The following GLP2R variants were observed in gnomAD, a reference collection of about 807,000 sequenced individuals.
GLP2R encodes glucagon like peptide 2 receptor.
A neutral mutation model predicts 68.2 loss-of-function variants in GLP2R; 59 were observed. The observed-to-expected ratio is 0.87, with a 90% confidence interval of 0.70 to 1.07. The LOEUF is 1.07. GLP2R is among the 50% of genes least tolerant of loss of function. The probability of loss-of-function intolerance (pLI) is 0.00; values close to 1 mark genes in which losing one functional copy is unlikely to be tolerated. For synonymous variants in GLP2R, 270 were observed against 265.4 expected (o/e 1.02, Z -0.17); for missense variants, 548 against 677.4 (o/e 0.81, Z 2.12).
intron 3 of GLP2R, among the ~76,000 whole-genome samples, chr17:9,840,203 C>T (rs1376196281): frequency 1.3e-5 from 2 of 152,226 alleles, no homozygotes; most frequent in East Asian, 3.9e-4. Context: ...TCTCGAACTT[C>T]TGACCTCGTG....
intron 9 of GLP2R, among the ~76,000 whole-genome samples, chr17:9,869,458 TC>T (rs2067071725): frequency 6.6e-6 from 1 of 152,174 alleles, no homozygotes; most frequent in Non-Finnish European, 1.5e-5. Flanking sequence ...TTCTCCAAGC[TC>T]TACCCAAACC....
intron 10 of GLP2R, among the ~76,000 whole-genome samples, chr17:9,879,240 T>C (rs1019972684): frequency 7.2e-6 from 1 of 139,808 alleles, no homozygotes; most frequent in African/African-American, 2.6e-5. Flanking sequence ...GGCAACAACA[T>C]AAGATCCCCT....
At chr17:9,845,813 T>C (rs1427123994) in intron 4 of GLP2R, among the ~76,000 whole-genome samples, 1 of 151,976 alleles carries the variant, frequency 6.6e-6, no homozygotes, top group Non-Finnish European at 1.5e-5. Flanking sequence ...AAACCTAGCT[T>C]TTTGTTAAGT....
At chr17:9,862,113 C>A (rs200291078) in intron 9 of GLP2R, 23 bp downstream of exon 9, 38 of 1,572,094 alleles carry the variant, frequency 2.4e-5, no homozygotes, top group Non-Finnish European at 3.0e-5. Context: ...CCATCCACCT[C>A]TTTGTCTCGG....
chr17:9,857,306 CA>C, intron 5 of GLP2R, 116 bp from the exon 6 acceptor site: 4 of 848,152 alleles, frequency 4.7e-6, no homozygotes, highest in Non-Finnish European at 7.5e-6. Flanking sequence ...TCCAGCTCTG[CA>C]GCCTATACTA....
At chr17:9,861,297 T>C (rs911639797) in intron 8 of GLP2R, 98 bp downstream of exon 8, 5 of 824,650 alleles carry the variant, frequency 6.1e-6, no homozygotes, top group Non-Finnish European at 1.0e-5. Flanking sequence ...AAAATATCTA[T>C]CCCTTCTCAT....
At position 9,833,829 on chromosome 17, in the gene GLP2R, A is replaced by G. The variant is rs1219622573; in HGVS notation, c.212A>G (p.Glu71Gly). 1 of 1,612,996 alleles carries G rather than the reference A, an allele frequency of 6.2e-7. No individual in the cohort carries two copies. The highest frequency in any genetic ancestry group is 1.3e-5 in the African/African-American group (1 of 74,890). ...CAGGTTACAGGATCCCTCCTTGAGGAAACGACTCGGAAGTGGGCTCAGTAC... is the reference window on the plus strand; with the variant it reads ...CAGGTTACAGGATCCCTCCTTGAGGGAACGACTCGGAAGTGGGCTCAGTAC... ...IKQVTGSLLE[E>G]TTRKWAQYKQ... The change falls in exon 2 of 13, where the codon GAA (glutamate) becomes GGA (glycine). Residue 71 changes from glutamate to glycine, a missense_variant. Transcript: ENST00000262441.
chr17:9,874,343 C>T (rs926197534), intron 10 of GLP2R, among the ~76,000 whole-genome samples: 2 of 152,060 alleles, frequency 1.3e-5, no homozygotes, highest in African/African-American at 4.8e-5. Context: ...CTCCCCTGCC[C>T]TTGTTCAAAG....
At chr17:9,849,763 C>T (rs967858105) in intron 4 of GLP2R, among the ~76,000 whole-genome samples, 3 of 151,932 alleles carry the variant, frequency 2.0e-5, no homozygotes, top group Non-Finnish European at 2.9e-5. Context: ...CAGGCGCCCG[C>T]CACCACGCTC....
Position 9,862,043 on chromosome 17 carries a change from A to T in GLP2R, c.1009A>T (p.Lys337Ter). Residue 337 changes from lysine (K) to a stop codon, truncating the protein, a stop_gained, in exon 9 of 13, where the codon AAG (lysine) becomes TAG (stop). Transcript: ENST00000262441. LOFTEE classifies it high-confidence loss of function. ...NTGCWTTNGNKKIWWIIRGPM... is the reference protein window; with the variant it reads ...NTGCWTTNGN ...TAGGTGCTGGACAACAAATGGGAAT[A>T]AGAAAATCTGGTGGATCATCCGAGG... 6.2e-7 allele frequency: 1 copy of T among 1,613,604 alleles called. No individual in the cohort carries two copies. The highest frequency in any genetic ancestry group is 8.5e-7 in the Non-Finnish European group (1 of 1,179,524).
At chr17:9,859,229 T>C (rs2066961797) in intron 6 of GLP2R, among the ~76,000 whole-genome samples, 1 of 152,216 alleles carries the variant, frequency 6.6e-6, no homozygotes. Context: ...ATGGATTGCT[T>C]AGAAGTCTAT....
In GLP2R at chr17:9,844,268, A is replaced by G. The variant is rs1468240628; in HGVS notation, c.504+1652A>G. On this transcript the variant is annotated intron_variant, in intron 4 of 12. Transcript: ENST00000262441. ...GACTTAGGACTTTGTATATTGAAGT[A>G]GGAGAGGGACATAACTAACTTATGT... 2.0e-5 allele frequency among the ~76,000 whole-genome samples: 3 copies of G among 152,166 alleles called. No individual in the cohort carries two copies. In the South Asian group the frequency reaches 6.2e-4, roughly 31 times the overall value.
At chr17:9,873,755 G>T (rs1268371605) in intron 10 of GLP2R, among the ~76,000 whole-genome samples, 1 of 151,996 alleles carries the variant, frequency 6.6e-6, no homozygotes, top group Non-Finnish European at 1.5e-5. Context: ...TCTATTGAAA[G>T]AACACATGCT....
At chr17:9,851,302 G>A (rs2066889507) in intron 4 of GLP2R, among the ~76,000 whole-genome samples, 1 of 152,196 alleles carries the variant, frequency 6.6e-6, no homozygotes, top group Non-Finnish European at 1.5e-5. Context: ...GTGTGCAGAA[G>A]CACAAAACAC....
chr17:9,833,735 C>A, intron 1 of GLP2R, 72 bp from the exon 2 acceptor site: 1 of 873,538 alleles, frequency 1.1e-6, no homozygotes, highest in South Asian at 1.6e-5. Context: ...GTTGGAGAAT[C>A]ATGGTGTGAA....
At chr17:9,868,240 A>G (rs559212734) in intron 9 of GLP2R, among the ~76,000 whole-genome samples, 20 of 151,632 alleles carry the variant, frequency 1.3e-4, no homozygotes, top group African/African-American at 4.8e-4. Flanking sequence ...TTGACTCACA[A>G]GAGTAGCTCT....
intron 11 of GLP2R, among the ~76,000 whole-genome samples, chr17:9,885,463 C>A (rs1323577037): frequency 1.3e-5 from 2 of 151,924 alleles, no homozygotes; most frequent in African/African-American, 4.8e-5. Context: ...TCTGAAGGCC[C>A]AATTGGAGTG....
intron 10 of GLP2R, among the ~76,000 whole-genome samples, chr17:9,872,526 G>A (rs999688541): frequency 2.0e-5 from 3 of 152,212 alleles, no homozygotes; most frequent in Non-Finnish European, 2.9e-5. Flanking sequence ...GCAGTAAGCC[G>A]AGATCGTGCC....
At chr17:9,865,674 T>C (rs1466705947) in intron 9 of GLP2R, among the ~76,000 whole-genome samples, 1 of 152,142 alleles carries the variant, frequency 6.6e-6, no homozygotes, top group African/African-American at 2.4e-5. Context: ...AAATTCTCTT[T>C]CTCCTTGGAA....
Sources: gnomAD v4.1 joint callset for allele counts (sites outside exome capture counted in the v4.1 genomes callset) on GRCh38, gnomAD v4.1.1 for gene constraint, MANE v1.5 for transcripts, NCBI Gene and HGNC (gene_info 2026-07-23, HGNC 2026-07-21) for gene names.